IL2RB: variants seen among roughly 807,000 people sequenced by gnomAD.
IL2RB encodes interleukin-2 receptor subunit beta.
Under a neutral mutation model 44.2 loss-of-function variants are expected in IL2RB, and 17 were observed. The observed-to-expected ratio is 0.38, with a 90% CI of 0.26 to 0.58. The LOEUF (loss-of-function observed/expected upper bound fraction) is 0.58. Among genes scored for constraint, IL2RB ranks in the 20% least tolerant of loss-of-function variants. The probability of loss-of-function intolerance (pLI) is 0.63; values close to 1 mark genes in which losing one functional copy is unlikely to be tolerated. For synonymous variants in IL2RB, 286 were observed against 297.9 expected, an observed-to-expected ratio of 0.96 and a Z score of 0.41; for missense variants, 624 against 685.5, an observed-to-expected ratio of 0.91 and a Z score of 1.00.
At chr22:37,165,887 T>G (rs1047313328) in intron 1 of IL2RB, among the ~76,000 whole-genome samples, 5 of 151,948 alleles carry the variant, frequency 3.3e-5, no homozygotes, top group African/African-American at 1.2e-4. Context: ...CTCTACAGCA[T>G]CTCCTCAAGA....
At chr22:37,131,512 G>A (rs186571579) in intron 9 of IL2RB, among the ~76,000 whole-genome samples, 18 of 152,324 alleles carry the variant, frequency 1.2e-4, no homozygotes, top group Admixed American at 2.6e-4. Context: ...AGTTTAGAGC[G>A]TTACTGATCT....
intron 1 of IL2RB, among the ~76,000 whole-genome samples, chr22:37,172,214 GT>G (rs1923310187): frequency 1.2e-5 from 1 of 80,910 alleles, no homozygotes; most frequent in African/African-American, 9.2e-5. Context: ...TAAAGGTAAA[GT>G]AAAAAAAAAA....
At chr22:37,143,468 A>C (rs1922064152) in intron 3 of IL2RB, 53 bp downstream of exon 3, 3 of 1,226,306 alleles carry the variant, frequency 2.4e-6, no homozygotes, top group Non-Finnish European at 3.6e-6. Context: ...CATAGGATCC[A>C]GAATATGAGA....
chr22:37,150,261 C>A (rs1425236154), upstream of IL2RB, among the ~76,000 whole-genome samples: 1 of 152,074 alleles, frequency 6.6e-6, no homozygotes, highest in Non-Finnish European at 1.5e-5. Flanking sequence ...CGCCTCCATC[C>A]GGTCACACAC....
rs1041390170 is a variant in IL2RB, at chr22:37,141,134, G to T, written c.282+1300C>A. On this transcript the variant is annotated intron_variant, in intron 4 of 9. Coordinates refer to ENST00000216223, the MANE Select transcript of IL2RB (RefSeq NM_000878.5). The surrounding 1 kb of genome is among the most constrained non-coding windows in gnomAD (Gnocchi z 4.4). ...GACCCAGGCCTCCTGGTGCTGTTGG[G>T]GGCTGGGATCAGGCAAGAGCCCCGC... Among the ~76,000 whole-genome samples, 1 of 152,090 alleles carries T rather than the reference G, an allele frequency of 6.6e-6. No individual in the cohort carries two copies. Among genetic ancestry groups the T allele is most frequent in the Non-Finnish European group, 1.5e-5 (1 of 68,014 alleles).
At chr22:37,165,711 T>A (rs113020096) in intron 1 of IL2RB, among the ~76,000 whole-genome samples, 172 of 150,834 alleles carry the variant, frequency 1.1e-3, no homozygotes, top group African/African-American at 3.7e-3. Flanking sequence ...AATTTAATTT[T>A]ATTATTGTTT....
intron 1 of IL2RB, among the ~76,000 whole-genome samples, chr22:37,155,151 C>T (rs1225055555): frequency 3.3e-5 from 5 of 152,142 alleles, no homozygotes; most frequent in Non-Finnish European, 7.3e-5. Context: ...AGCAGAAGCC[C>T]AGAGGCATGG....
intron 1 of IL2RB, among the ~76,000 whole-genome samples, chr22:37,162,765 G>A (rs1922925490): frequency 6.6e-6 from 1 of 151,998 alleles, no homozygotes; most frequent in African/African-American, 2.4e-5. Flanking sequence ...CACATGCCAG[G>A]GGTACTGGGG....
rs746518875 is a variant in IL2RB, at chr22:37,139,118, G to A, written c.387C>T (p.Asn129=). ...CCCCACCCTGGCTTCCTCACTCACG[G>A]TTCTCAAAGGGCTTGAAGTCCTGGA... The part of the protein sequence containing the change: ...MAIQDFKPFE[N]LRLMAPISLQ... The change falls in exon 5 of 10, where the codon AAC becomes AAT. Residue 129 remains asparagine, a splice_region_variant and synonymous_variant. Coordinates refer to ENST00000216223, the MANE Select transcript of IL2RB (RefSeq NM_000878.5). 2.5e-6 allele frequency: 4 copies of A among 1,607,762 alleles called. No individual in the cohort carries two copies. In the Admixed American group the frequency reaches 6.7e-5, roughly 27 times the overall value.
At chr22:37,174,056 G>T (rs1923372627) in intron 1 of IL2RB, among the ~76,000 whole-genome samples, 1 of 152,154 alleles carries the variant, frequency 6.6e-6, no homozygotes, top group African/African-American at 2.4e-5. Context: ...TCTTGCCTGG[G>T]GCTCCAGCCC....
At chr22:37,135,476 G>T (rs1185571385) in intron 7 of IL2RB, 34 bp from the exon 8 acceptor site, 5 of 1,393,832 alleles carry the variant, frequency 3.6e-6, no homozygotes, top group Non-Finnish European at 5.1e-6. Flanking sequence ...CAAGGAGAGG[G>T]GTTAGAGAAG....
intron 8 of IL2RB, among the ~76,000 whole-genome samples, chr22:37,134,196 A>G (rs192045827): frequency 6.6e-6 from 1 of 152,238 alleles, no homozygotes; most frequent in South Asian, 2.1e-4. Flanking sequence ...ATACAGCATA[A>G]CAACTATTTA....
chr22:37,145,128 C>T (rs1026454810), intron 1 of IL2RB, among the ~76,000 whole-genome samples: 1 of 152,162 alleles, frequency 6.6e-6, no homozygotes, highest in Non-Finnish European at 1.5e-5. Flanking sequence ...CATCAGGACG[C>T]GAACTCGGAA....
intron 1 of IL2RB, among the ~76,000 whole-genome samples, chr22:37,170,045 A>G (rs1393194239): frequency 5.3e-5 from 6 of 112,560 alleles, no homozygotes; most frequent in Non-Finnish European, 1.1e-4. Flanking sequence ...GAGAGAAGGA[A>G]TGATGGGGGA....
At chr22:37,137,994 G>A (rs2284033) in intron 5 of IL2RB, among the ~76,000 whole-genome samples, 65,336 of 151,852 alleles carry the variant, frequency 0.43, 14,274 homozygotes, top group East Asian at 0.59. Flanking sequence ...CCTGACCTAC[G>A]AAATATATGG....
At chr22:37,136,942 TG>T (rs929126863) in intron 6 of IL2RB, among the ~76,000 whole-genome samples, 84 of 152,356 alleles carry the variant, frequency 5.5e-4, no homozygotes, top group African/African-American at 1.9e-3. Flanking sequence ...GGGCCTTCCC[TG>T]GTCACCTGAG....
rs559780717 is a variant in IL2RB, at chr22:37,141,503, G to A, written c.282+931C>T. Among the ~76,000 whole-genome samples, 78 of 151,968 alleles carry A rather than the reference G, an allele frequency of 5.1e-4. 1 individual carries two copies. In the South Asian group the frequency reaches 0.012, roughly 24 times the overall value. ...GATCCAGTGTGAGTCGGGGACAAGC[G>A]GGACCCCTGCCCCTTCCGAGGTAGC... On this transcript the variant is annotated intron_variant, in intron 4 of 9. Transcript: ENST00000216223. This position sits in a 1 kb window ranked among gnomAD's most constrained non-coding sequence, Gnocchi z 4.4.
At chr22:37,166,417 G>A (rs894487960) in intron 1 of IL2RB, among the ~76,000 whole-genome samples, 3 of 152,202 alleles carry the variant, frequency 2.0e-5, no homozygotes, top group South Asian at 2.1e-4. Context: ...TGCACTCCAC[G>A]CATTCAACCG....
upstream of IL2RB, among the ~76,000 whole-genome samples, chr22:37,150,423 A>G (rs1422479448): frequency 1.3e-5 from 2 of 152,002 alleles, no homozygotes; most frequent in Non-Finnish European, 2.9e-5. Flanking sequence ...GCATTCAGAG[A>G]TGACTGTTTT....
Sources: allele counts gnomAD v4.1 joint callset (sites outside exome capture counted in the v4.1 genomes callset), GRCh38; gene constraint gnomAD v4.1.1; non-coding constraint Gnocchi (gnomAD v3.1); transcripts MANE v1.5; gene names NCBI Gene and HGNC (gene_info 2026-07-23, HGNC 2026-07-21).